Variants in ZNF407 observed in about 807,000 individuals in gnomAD.
The protein encoded by ZNF407 is zinc finger protein 407.
In ZNF407, 17 loss-of-function variants were observed where a neutral mutation model predicts 131.2. The ratio of observed to expected loss-of-function variants is 0.13; its 90% CI spans 0.09 to 0.19. ZNF407 has a LOEUF of 0.19. ZNF407 is among the 10% of genes least tolerant of loss of function. The pLI, the probability that ZNF407 is intolerant of heterozygous loss-of-function variation, is 1.00. For synonymous variants in ZNF407, 1,156 were observed against 1,062.0 expected (o/e 1.09, Z -1.72); for missense variants, 2,681 against 2,830.6 (o/e 0.95, Z 1.20).
chr18:74,676,700 C>T (rs1490057915), intron 3 of ZNF407, among the ~76,000 whole-genome samples: 1 of 152,084 alleles, frequency 6.6e-6, no homozygotes, highest in Non-Finnish European at 1.5e-5. Flanking sequence ...TCCCAGAATG[C>T]TGGGATTACA....
intron 8 of ZNF407, among the ~76,000 whole-genome samples, chr18:74,939,540 A>G (rs1486234886): frequency 6.6e-6 from 1 of 152,242 alleles, no homozygotes; most frequent in East Asian, 1.9e-4. Context: ...TAAAATGCAG[A>G]TTACCAAAAG....
intron 8 of ZNF407, among the ~76,000 whole-genome samples, chr18:74,943,550 A>T (rs1972123599): frequency 6.6e-6 from 1 of 152,238 alleles, no homozygotes; most frequent in African/African-American, 2.4e-5. Flanking sequence ...TATTTAAATT[A>T]CCAGACTTAA....
chr18:75,003,071 G>A lies in ZNF407; in HGVS notation c.5429-60079G>A, dbSNP rs139860255. The stretch of plus-strand genomic sequence containing the variant: ...TTTTGTTTATATCTGAAAACAGTAG[G>A]CATAGTGCATTAATTAGGCAACATC... On this transcript the variant is annotated intron_variant, in intron 8 of 8. Transcript: ENST00000299687. 3.3e-3 allele frequency among the ~76,000 whole-genome samples: 496 copies of A among 152,272 alleles called. 1 individual carries two copies. The highest frequency in any genetic ancestry group is 5.8e-3 in the Non-Finnish European group (396 of 68,020).
intron 3 of ZNF407, among the ~76,000 whole-genome samples, chr18:74,749,084 T>A (rs1450353697): frequency 6.6e-6 from 1 of 152,128 alleles, no homozygotes. Context: ...GTGGCTGCTG[T>A]CATTAGGGGT....
intron 4 of ZNF407, among the ~76,000 whole-genome samples, chr18:74,834,659 A>G (rs1322396404): frequency 1.3e-5 from 2 of 152,172 alleles, no homozygotes; most frequent in Non-Finnish European, 2.9e-5. Context: ...ATATTTGATG[A>G]CCTCTACACC....
chr18:74,629,594 C>T lies in ZNF407; in HGVS notation c.-53-1373C>T, dbSNP rs77139192. On this transcript the variant is annotated intron_variant, in intron 1 of 8. Coordinates refer to ENST00000299687, the MANE Select transcript of ZNF407 (RefSeq NM_017757.3). The stretch of plus-strand genomic sequence containing the variant: ...ACTTGTTTTTTTCTCGTATTGTTCG[C>T]GCTTCCAGTGTCCTGCATTATAAGC... 3.3e-3 allele frequency among the ~76,000 whole-genome samples: 503 copies of T among 152,138 alleles called. 3 individuals are homozygous for T. The highest frequency in any genetic ancestry group is 0.011 in the African/African-American group (476 of 41,478).
At chr18:74,920,462 A>G in intron 7 of ZNF407, 52 bp from the exon 8 acceptor site, 5 of 1,427,820 alleles carry the variant, frequency 3.5e-6, no homozygotes, top group Non-Finnish European at 4.8e-6. Context: ...TTTGTAAGAT[A>G]AGGTTATTGG....
At chr18:74,978,311 T>C (rs1373031195) in intron 8 of ZNF407, among the ~76,000 whole-genome samples, 4 of 152,162 alleles carry the variant, frequency 2.6e-5, no homozygotes, top group Non-Finnish European at 5.9e-5. Context: ...TTGGAGTCCA[T>C]GTTAAATGGT....
intron 3 of ZNF407, among the ~76,000 whole-genome samples, chr18:74,759,940 C>G (rs1969056526): frequency 7.8e-6 from 1 of 128,016 alleles, no homozygotes; most frequent in Non-Finnish European, 1.6e-5. Flanking sequence ...TTTTCGGTTA[C>G]TTTACATGTC....
chr18:74,864,219 A>T (rs1310501721), intron 4 of ZNF407, among the ~76,000 whole-genome samples: 3 of 152,146 alleles, frequency 2.0e-5, no homozygotes, highest in African/African-American at 7.2e-5. Context: ...GAGAGGCATA[A>T]CCTTTGGTAA....
Position 74,633,092 on chromosome 18 carries a change from A to G in ZNF407, c.2073A>G (p.Val691=). 6.2e-7 allele frequency: 1 copy of G among 1,613,838 alleles called. No individual in the cohort carries two copies. The highest frequency in any genetic ancestry group is 8.5e-7 in the Non-Finnish European group (1 of 1,179,858). The change falls in exon 2 of 9, where the codon GTA becomes GTG. Residue 691 remains valine, a synonymous_variant. Coordinates refer to ENST00000299687, the MANE Select transcript of ZNF407 (RefSeq NM_017757.3). ...AGGAAGAACCTCTGAAGTCCAGGGT[A>G]AGCCATGGTAATGAAGTGAGGCATT... ...ASQEEPLKSR[V]SHGNEVRHSS...
intron 3 of ZNF407, among the ~76,000 whole-genome samples, chr18:74,713,820 G>A (rs1389173070): frequency 6.6e-6 from 1 of 152,020 alleles, no homozygotes; most frequent in Non-Finnish European, 1.5e-5. Context: ...GAACTCTGTA[G>A]GTAAATTATG....
At chr18:74,898,539 C>T (rs1361091145) in intron 7 of ZNF407, 1 of 152,182 alleles carries the variant, frequency 6.6e-6, no homozygotes, top group African/African-American at 2.4e-5. Flanking sequence ...ATACTTTTCT[C>T]TGTGGAGAAT....
rs1973660118 is a variant in ZNF407, at chr18:75,063,278, A to C, written c.5557A>C (p.Ser1853Arg). 2.5e-6 allele frequency: 4 copies of C among 1,613,602 alleles called. No homozygotes were observed. The highest frequency in any genetic ancestry group is 3.4e-6 in the Non-Finnish European group (4 of 1,179,882). Residue 1853 changes from serine to arginine, a missense_variant, in exon 9 of 9, where the codon AGC (serine) becomes CGC (arginine). Transcript: ENST00000299687. The surrounding 1 kb of genome is among the most constrained non-coding windows in gnomAD (Gnocchi z 6.6). ...CGTCAAGGAGAAGCCCCTCAGAAGC[A>C]GCAGGAGGCCAGCGCCGCCCCCTGA... ...PLVKEKPLRS[S>R]RRPAPPPEQV...
At position 74,758,999 on chromosome 18, in the gene ZNF407, G is replaced by A. The variant is rs951376141; in HGVS notation, c.4803-22429G>A. On this transcript the variant is annotated intron_variant, in intron 3 of 8. Coordinates refer to ENST00000299687, the MANE Select transcript of ZNF407 (RefSeq NM_017757.3). ...CCTTAATTTCCATTTAAAGAACTGC[G>A]CTTAGTATTTCTTGTACAGCAGGTC... Among the ~76,000 whole-genome samples, 9 of 152,244 alleles carry A rather than the reference G, an allele frequency of 5.9e-5. No individual in the cohort carries two copies. The East Asian group carries it at 1.5e-3, about 26-fold the overall frequency.
chr18:75,050,498 G>T (rs983920718), intron 8 of ZNF407, among the ~76,000 whole-genome samples: 3 of 152,290 alleles, frequency 2.0e-5, no homozygotes, highest in Non-Finnish European at 4.4e-5. Context: ...TAGCCAAAGG[G>T]TCAGCATCTG....
intron 3 of ZNF407, among the ~76,000 whole-genome samples, chr18:74,755,799 C>G (rs1476361412): frequency 8.1e-6 from 1 of 123,274 alleles, no homozygotes; most frequent in Non-Finnish European, 1.7e-5. Flanking sequence ...TTCCTTCTTT[C>G]ATTCATTCGT....
chr18:74,608,218 A>G (rs1982893980), intron 1 of ZNF407, among the ~76,000 whole-genome samples: 1 of 152,234 alleles, frequency 6.6e-6, no homozygotes, highest in Admixed American at 6.5e-5. Flanking sequence ...CAATTAATCT[A>G]AAACATTTAT....
At chr18:74,977,911 T>C (rs971937829) in intron 8 of ZNF407, among the ~76,000 whole-genome samples, 6 of 152,260 alleles carry the variant, frequency 3.9e-5, no homozygotes, top group Admixed American at 1.3e-4. Context: ...TTGGGGATTT[T>C]TAGTACTTTT....
Sources: gnomAD v4.1 joint callset for allele counts (sites outside exome capture counted in the v4.1 genomes callset) on GRCh38, gnomAD v4.1.1 for gene constraint, Gnocchi (gnomAD v3.1) non-coding constraint, MANE v1.5 for transcripts, NCBI Gene and HGNC (gene_info 2026-07-23, HGNC 2026-07-21) for gene names.